DPP10: variants seen among roughly 807,000 people sequenced by gnomAD.
The protein encoded by DPP10 is dipeptidyl peptidase like 10.
A neutral mutation model predicts 120.9 loss-of-function variants in DPP10; 33 were observed. The ratio of observed to expected loss-of-function variants is 0.27; its 90% CI spans 0.21 to 0.37. DPP10 has a LOEUF of 0.37. Ranked by LOEUF, DPP10 falls within the 10% of genes least tolerant of loss-of-function variation. DPP10 has a pLI of 1.00. For synonymous variants in DPP10, 337 were observed against 326.1 expected, an observed-to-expected ratio of 1.03 and a Z score of -0.36; for missense variants, 816 against 942.8, an observed-to-expected ratio of 0.87 and a Z score of 1.76.
chr2:115,377,750 C>A (rs980831417), intron 3 of DPP10, among the ~76,000 whole-genome samples: 1 of 151,844 alleles, frequency 6.6e-6, no homozygotes, highest in Non-Finnish European at 1.5e-5. Context: ...GGAAGGGATC[C>A]AGTTTCAGCT....
intron 1 of DPP10, among the ~76,000 whole-genome samples, chr2:114,515,166 A>G (rs1684490366): frequency 6.6e-6 from 1 of 152,242 alleles, no homozygotes; most frequent in Non-Finnish European, 1.5e-5. Context: ...TCTCACGATC[A>G]GGTTTACTTC....
intron 1 of DPP10, among the ~76,000 whole-genome samples, chr2:114,838,201 A>G (rs1687888406): frequency 6.6e-6 from 1 of 152,224 alleles, no homozygotes; most frequent in Non-Finnish European, 1.5e-5. Flanking sequence ...CCTAACCTCA[A>G]GGAAAACTGG....
chr2:114,881,159 AACC>A (rs1691570512), intron 1 of DPP10, among the ~76,000 whole-genome samples: 1 of 152,142 alleles, frequency 6.6e-6, no homozygotes, highest in South Asian at 2.1e-4. Context: ...TTCCAAATTA[AACC>A]AGAAGTGCCA....
chr2:114,543,269 C>T (rs190581917), intron 1 of DPP10, among the ~76,000 whole-genome samples: 8 of 152,168 alleles, frequency 5.3e-5, no homozygotes, highest in Non-Finnish European at 1.2e-4. Flanking sequence ...GCACTGGCGA[C>T]GTCTTGTTTT....
At chr2:115,399,886 T>C (rs1159545798) in intron 3 of DPP10, among the ~76,000 whole-genome samples, 1 of 152,068 alleles carries the variant, frequency 6.6e-6, no homozygotes, top group East Asian at 1.9e-4. Context: ...GATGGGGTCA[T>C]TTATAAAGAA....
intron 13 of DPP10, among the ~76,000 whole-genome samples, chr2:115,774,897 A>G (rs1426297261): frequency 6.6e-6 from 1 of 152,128 alleles, no homozygotes; most frequent in Non-Finnish European, 1.5e-5. Flanking sequence ...CCTAATTCTG[A>G]ATTTATTTTT....
intron 4 of DPP10, among the ~76,000 whole-genome samples, chr2:115,515,028 G>T (rs1297465621): frequency 4.6e-5 from 7 of 151,692 alleles, no homozygotes; most frequent in Non-Finnish European, 1.0e-4. Flanking sequence ...AGTACATATG[G>T]TCTATACTTT....
intron 13 of DPP10, among the ~76,000 whole-genome samples, chr2:115,774,209 TACACACACACACACACACAC>T (rs3069387): frequency 6.8e-6 from 1 of 147,522 alleles, no homozygotes; most frequent in African/African-American, 2.5e-5. Flanking sequence ...AAAACACACA[TACACACACACACACACACAC>T]ACACACACAC....
chr2:115,063,894 T>C (rs1706625834), intron 1 of DPP10, among the ~76,000 whole-genome samples: 1 of 152,186 alleles, frequency 6.6e-6, no homozygotes, highest in Admixed American at 6.5e-5. Context: ...TTTATGTATA[T>C]AAGGTTTTAT....
chr2:114,689,848 T>A (rs893033012), intron 1 of DPP10, among the ~76,000 whole-genome samples: 7 of 152,112 alleles, frequency 4.6e-5, no homozygotes, highest in African/African-American at 1.7e-4. Flanking sequence ...AGCTTTTTTT[T>A]TCATATGTTG....
At chr2:114,500,867 G>T (rs1683098001) in intron 1 of DPP10, among the ~76,000 whole-genome samples, 1 of 152,168 alleles carries the variant, frequency 6.6e-6, no homozygotes, top group Non-Finnish European at 1.5e-5. Context: ...TGGTGCGTGG[G>T]GTTCTCCATG....
At chr2:115,406,634 G>A (rs1283868419) in intron 3 of DPP10, among the ~76,000 whole-genome samples, 3 of 151,976 alleles carry the variant, frequency 2.0e-5, no homozygotes, top group Non-Finnish European at 4.4e-5. Context: ...AAGAGAGTTA[G>A]AGAGGCTATA....
At chr2:115,428,913 T>C (rs1017456122) in intron 3 of DPP10, among the ~76,000 whole-genome samples, 4 of 152,126 alleles carry the variant, frequency 2.6e-5, no homozygotes, top group African/African-American at 7.2e-5. Context: ...GAGAGGAAAG[T>C]CTCTTTGAAG....
At chr2:114,972,896 G>T (rs1699489736) in intron 1 of DPP10, among the ~76,000 whole-genome samples, 1 of 152,130 alleles carries the variant, frequency 6.6e-6, no homozygotes, top group Admixed American at 6.5e-5. Context: ...GGACGAAGGG[G>T]TCAATATTTG....
chr2:114,765,281 T>C (rs942115565), intron 1 of DPP10, among the ~76,000 whole-genome samples: 6 of 152,220 alleles, frequency 3.9e-5, no homozygotes, highest in African/African-American at 1.4e-4. Flanking sequence ...ATATAAAAAC[T>C]TGATGTTAAA....
chr2:115,282,151 T>C (rs539366265), intron 1 of DPP10, among the ~76,000 whole-genome samples: 11 of 152,058 alleles, frequency 7.2e-5, no homozygotes, highest in Admixed American at 2.0e-4. Flanking sequence ...AAAAGTGATA[T>C]ATATCCCAAC....
At chr2:115,753,953 G>A (rs1679078469) in intron 11 of DPP10, among the ~76,000 whole-genome samples, 1 of 152,106 alleles carries the variant, frequency 6.6e-6, no homozygotes, top group Non-Finnish European at 1.5e-5. Flanking sequence ...TTCTGTTCTG[G>A]AAAAGATGGA....
chr2:115,387,557 T>C (rs1414299305), intron 3 of DPP10, among the ~76,000 whole-genome samples: 2 of 152,220 alleles, frequency 1.3e-5, no homozygotes, highest in Non-Finnish European at 2.9e-5. Flanking sequence ...AATTGATATA[T>C]TTGAATCCCA....
At chr2:114,611,218 T>C (rs2105284798) in intron 1 of DPP10, among the ~76,000 whole-genome samples, 1 of 152,246 alleles carries the variant, frequency 6.6e-6, no homozygotes. Flanking sequence ...TTTAATTATC[T>C]GCTCATCCAG....
Sources: allele counts gnomAD v4.1 joint callset (sites outside exome capture counted in the v4.1 genomes callset), GRCh38; gene constraint gnomAD v4.1.1; transcripts MANE v1.5; gene names NCBI Gene and HGNC (gene_info 2026-07-23, HGNC 2026-07-21).